The following RAB3IP variants were observed in gnomAD, a reference collection of about 807,000 sequenced individuals.
RAB3IP encodes RAB3A interacting protein.
A neutral mutation model predicts 59.1 loss-of-function variants in RAB3IP; 36 were observed. The observed-to-expected ratio is 0.61, with a 90% CI of 0.47 to 0.80. The LOEUF is 0.80. Ranked by LOEUF, RAB3IP falls within the 30% of genes least tolerant of loss-of-function variation. The pLI is 0.00. For synonymous variants in RAB3IP, 207 were observed against 191.2 expected, an observed-to-expected ratio of 1.08 and a Z score of -0.68; for missense variants, 511 against 536.0, an observed-to-expected ratio of 0.95 and a Z score of 0.46.
chr12:69,741,909 G>C (rs1259858217), intron 1 of RAB3IP, among the ~76,000 whole-genome samples: 1 of 152,170 alleles, frequency 6.6e-6, no homozygotes, highest in Non-Finnish European at 1.5e-5. Flanking sequence ...GATACGTAAT[G>C]TTAATGTAAT....
chr12:69,813,793 T>C (rs920512165), intron 10 of RAB3IP, among the ~76,000 whole-genome samples: 2 of 151,872 alleles, frequency 1.3e-5, no homozygotes, highest in Non-Finnish European at 2.9e-5. Context: ...TTTTAGGCAC[T>C]GAAAATATTA....
At chr12:69,759,402 A>C (rs1251834330) in intron 3 of RAB3IP, among the ~76,000 whole-genome samples, 1 of 152,140 alleles carries the variant, frequency 6.6e-6, no homozygotes, top group African/African-American at 2.4e-5. Context: ...CAGACACAGC[A>C]ACAATCTGAT....
intron 3 of RAB3IP, 45 bp downstream of exon 3, chr12:69,756,708 T>G: frequency 2.6e-6 from 4 of 1,515,278 alleles, no homozygotes; most frequent in Non-Finnish European, 2.7e-6. Context: ...ATATTAGAAA[T>G]TAGTATTTCT....
chr12:69,768,667 C>T (rs1333890015), intron 3 of RAB3IP, among the ~76,000 whole-genome samples: 1 of 152,216 alleles, frequency 6.6e-6, no homozygotes, highest in Non-Finnish European at 1.5e-5. Context: ...CTGGCCCTGG[C>T]TGCAAGCCTT....
upstream of RAB3IP, chr12:69,738,774 C>T (rs113155441): frequency 7.5e-4 from 114 of 152,140 alleles, no homozygotes; most frequent in African/African-American, 2.6e-3. Context: ...GCTCGCCCCG[C>T]CCCTGCCGGC....
chr12:69,762,788 A>AG (rs1565884330), intron 3 of RAB3IP, among the ~76,000 whole-genome samples: 2 of 146,124 alleles, frequency 1.4e-5, no homozygotes, highest in African/African-American at 5.3e-5. Context: ...AAGAAAAAAG[A>AG]GAAAAAGAGA....
At chr12:69,769,403 AC>A (rs1443749929) in intron 3 of RAB3IP, among the ~76,000 whole-genome samples, 7 of 151,974 alleles carry the variant, frequency 4.6e-5, no homozygotes, top group Admixed American at 2.0e-4. Flanking sequence ...AGGATAGGGA[AC>A]CCCAGTGGAC....
At chr12:69,793,525 G>A (rs1037872369) in intron 4 of RAB3IP, among the ~76,000 whole-genome samples, 1 of 151,916 alleles carries the variant, frequency 6.6e-6, no homozygotes, top group African/African-American at 2.4e-5. Context: ...CTTAAATCTC[G>A]GGGCACTATC....
At position 69,756,771 on chromosome 12, in the gene RAB3IP, C is replaced by T. The variant is rs1047468095; in HGVS notation, c.510+108C>T. On this transcript the variant is annotated intron_variant, in intron 3 of 10. Transcript: ENST00000247833. ...GAAATCATGATGGTTGTACATTTAT[C>T]CGTCACATATGCCCAGCCTCAGCTC... 13 of 902,674 alleles carry T rather than the reference C, an allele frequency of 1.4e-5. No homozygotes were observed. In the East Asian group the frequency reaches 3.5e-4, roughly 24 times the overall value. The allele number at this position is 902,674 out of a possible 1,614,324, so 55.9% of individuals were successfully genotyped here.
chr12:69,742,253 T>C (rs1209723748), intron 1 of RAB3IP, among the ~76,000 whole-genome samples: 3 of 152,232 alleles, frequency 2.0e-5, no homozygotes, highest in Admixed American at 6.5e-5. Context: ...CTAAACTTTT[T>C]TCCGATATAA....
intron 1 of RAB3IP, chr12:69,739,718 TG>T (rs1200235480): frequency 2.3e-6 from 2 of 886,742 alleles, no homozygotes; most frequent in Non-Finnish European, 3.7e-6. Flanking sequence ...ACTGCACGGG[TG>T]GGATTGCATG....
At chr12:69,800,988 A>G (rs1878282504) in intron 7 of RAB3IP, among the ~76,000 whole-genome samples, 2 of 152,146 alleles carry the variant, frequency 1.3e-5, no homozygotes, top group African/African-American at 4.8e-5. Flanking sequence ...TAAGATGAAC[A>G]TTTTTCACAC....
chr12:69,755,622 C>T lies in RAB3IP; in HGVS notation c.214C>T (p.Pro72Ser). 1 of 1,613,776 alleles carries T rather than the reference C, an allele frequency of 6.2e-7. No homozygotes were observed. The highest frequency in any genetic ancestry group is 8.5e-7 in the Non-Finnish European group (1 of 1,179,838). ...TCCTACACAACCCGTGTATTCATCCCCCAGACGTTTAAATTGTGCGGAAAT... is the reference window on the plus strand; with the variant it reads ...TCCTACACAACCCGTGTATTCATCCTCCAGACGTTTAAATTGTGCGGAAAT... The part of the protein sequence containing the change: ...ELPTQPVYSS[P>S]RRLNCAEISS... The change falls in exon 2 of 11, where the codon CCC (proline) becomes TCC (serine). Residue 72 changes from proline to serine, a missense_variant. By Grantham distance (74) the Pro-to-Ser change is moderately conservative. Coordinates refer to ENST00000247833, the MANE Select transcript of RAB3IP (RefSeq NM_022456.5).
chr12:69,806,129 A>C (rs960142965), intron 8 of RAB3IP, among the ~76,000 whole-genome samples: 1 of 151,956 alleles, frequency 6.6e-6, no homozygotes, highest in African/African-American at 2.4e-5. Context: ...TCTGGTCTGG[A>C]CTTTTTTTGG....
intron 3 of RAB3IP, among the ~76,000 whole-genome samples, chr12:69,757,362 T>C (rs1490893348): frequency 1.3e-5 from 2 of 152,024 alleles, no homozygotes; most frequent in Non-Finnish European, 2.9e-5. Context: ...ATCAATGAAA[T>C]TGATAACAGA....
At chr12:69,746,270 C>T (rs1868344109) in intron 1 of RAB3IP, among the ~76,000 whole-genome samples, 1 of 152,078 alleles carries the variant, frequency 6.6e-6, no homozygotes, top group South Asian at 2.1e-4. Flanking sequence ...CTTTAAGCAA[C>T]ATTTTCTCTT....
At chr12:69,781,257 A>G (rs1428348207) in intron 3 of RAB3IP, among the ~76,000 whole-genome samples, 4 of 152,154 alleles carry the variant, frequency 2.6e-5, no homozygotes, top group Admixed American at 6.5e-5. Flanking sequence ...GTTCACAGCA[A>G]AATTGAAAGT....
intron 4 of RAB3IP, chr12:69,785,148 A>C (rs1237868650): frequency 6.4e-6 from 1 of 156,230 alleles, no homozygotes; most frequent in Non-Finnish European, 1.4e-5. Context: ...AAGAGGGCAA[A>C]CTCTTTGAGA....
intron 1 of RAB3IP, among the ~76,000 whole-genome samples, chr12:69,748,323 A>C (rs1420926281): frequency 6.6e-6 from 1 of 152,186 alleles, no homozygotes; most frequent in Non-Finnish European, 1.5e-5. Context: ...TTTTGTTTTC[A>C]AGAAACATTT....
Sources: gnomAD v4.1 joint callset for allele counts (sites outside exome capture counted in the v4.1 genomes callset) on GRCh38, gnomAD v4.1.1 for gene constraint, MANE v1.5 for transcripts, NCBI Gene and HGNC (gene_info 2026-07-23, HGNC 2026-07-21) for gene names.